LPGAT1: variants seen among roughly 807,000 people sequenced by gnomAD.
LPGAT1 encodes lysophosphatidylglycerol acyltransferase 1.
In LPGAT1, 11 loss-of-function variants were observed where a neutral mutation model predicts 47.5. The ratio of observed to expected loss-of-function variants is 0.23; its 90% CI spans 0.15 to 0.38. LPGAT1 has a LOEUF of 0.38. Ranked by LOEUF, LPGAT1 falls within the 10% of genes least tolerant of loss-of-function variation. LPGAT1 has a pLI of 1.00. For missense variants in LPGAT1, 293 were observed against 439.0 expected (o/e 0.67, Z 2.97); for synonymous variants, 138 against 144.2 (o/e 0.96, Z 0.31).
intron 2 of LPGAT1, among the ~76,000 whole-genome samples, chr1:211,796,313 C>T (rs1317863972): frequency 1.3e-5 from 2 of 151,982 alleles, no homozygotes; most frequent in Non-Finnish European, 2.9e-5. Flanking sequence ...TTAGGGTGGG[C>T]CCTAAACCTA....
intron 6 of LPGAT1, among the ~76,000 whole-genome samples, chr1:211,760,657 T>TA (rs1657659143): frequency 6.6e-6 from 1 of 152,176 alleles, no homozygotes; most frequent in South Asian, 2.1e-4. Context: ...GGTGCATACT[T>TA]AAAAGCAAAC....
At chr1:211,769,120 C>T (rs1658057534) in intron 6 of LPGAT1, among the ~76,000 whole-genome samples, 1 of 152,104 alleles carries the variant, frequency 6.6e-6, no homozygotes, top group African/African-American at 2.4e-5. Flanking sequence ...ACTCTGGATA[C>T]TATGTTGGAA....
chr1:211,749,507 C>A lies in LPGAT1; in HGVS notation c.*392G>T. The A allele has an allele frequency of 4.9e-6, 1 of 202,998 alleles. No individual in the cohort carries two copies. The highest frequency in any genetic ancestry group is 9.8e-6 in the Non-Finnish European group (1 of 102,560). The allele number at this position is 202,998 out of a possible 1,614,324, so 12.6% of individuals were successfully genotyped here. Reference sequence around the variant, plus strand: ...GAAATGTGGGCGTTCTAGAGAACTGCCCTAATATAGACTACAGCTAAGAGG... The same window carrying A: ...GAAATGTGGGCGTTCTAGAGAACTGACCTAATATAGACTACAGCTAAGAGG... On this transcript the variant is annotated 3_prime_UTR_variant, in exon 8 of 8. Coordinates refer to ENST00000366997, the MANE Select transcript of LPGAT1 (RefSeq NM_014873.3).
chr1:211,777,220 CCT>C (rs1407351746), intron 6 of LPGAT1, among the ~76,000 whole-genome samples: 1 of 152,102 alleles, frequency 6.6e-6, no homozygotes, highest in Non-Finnish European at 1.5e-5. Context: ...GCCCAAATCC[CCT>C]CTCACAAGTT....
At chr1:211,777,544 A>T (rs1044736791) in intron 6 of LPGAT1, among the ~76,000 whole-genome samples, 6 of 152,152 alleles carry the variant, frequency 3.9e-5, no homozygotes, top group South Asian at 2.1e-4. Context: ...TAAACTCCTT[A>T]AAAAAACTAC....
At chr1:211,752,105 T>C (rs920704529) in intron 6 of LPGAT1, among the ~76,000 whole-genome samples, 5 of 152,242 alleles carry the variant, frequency 3.3e-5, no homozygotes, top group Non-Finnish European at 7.3e-5. Context: ...AATATATTCA[T>C]TGCTAAGCCA....
chr1:211,746,266 G>A lies in LPGAT1; in HGVS notation c.*3633C>T, dbSNP rs1656938215. ...AGCAACACTAGAATAATGTTCCCAG[G>A]TTTACATTTGGTGATTTCAGATTTC... On this transcript the variant is annotated 3_prime_UTR_variant, in exon 8 of 8. Transcript: ENST00000366997. 2.0e-5 allele frequency: 3 copies of A among 152,582 alleles called. No homozygotes were observed. Among genetic ancestry groups the A allele is most frequent in the African/African-American group, 7.2e-5 (3 of 41,430 alleles). 9.5% of individuals were successfully genotyped at this position (152,582 alleles called of 1,614,324 possible).
At chr1:211,820,620 C>T (rs916780232) in intron 2 of LPGAT1, among the ~76,000 whole-genome samples, 3 of 150,020 alleles carry the variant, frequency 2.0e-5, no homozygotes, top group African/African-American at 7.3e-5. Context: ...AGAGACGTTG[C>T]AGAAAACACA....
chr1:211,780,923 G>GA, intron 5 of LPGAT1, among the ~76,000 whole-genome samples: 1 of 151,822 alleles, frequency 6.6e-6, no homozygotes, highest in Non-Finnish European at 1.5e-5. Context: ...TAAATGATGA[G>GA]AAAAAACACC....
In LPGAT1 at chr1:211,778,997, A is replaced by T; in HGVS notation, c.775T>A (p.Tyr259Asn). 6.2e-7 allele frequency: 1 copy of T among 1,609,790 alleles called. No homozygotes were observed. Among genetic ancestry groups the T allele is most frequent in the Non-Finnish European group, 8.5e-7 (1 of 1,178,736 alleles). Residue 259 changes from tyrosine to asparagine, a missense_variant, in exon 6 of 8, where the codon TAT becomes AAT. Transcript: ENST00000366997. The stretch of plus-strand genomic sequence containing the variant: ...ATATCTATAGGTTCAGCTTTGGGAT[A>T]AGCTATCGTTGTATCTATTATCCAC... ...LQWIIDTTIAYPKAEPIDIQT... is the reference protein window; with the variant it reads ...LQWIIDTTIANPKAEPIDIQT...
At chr1:211,766,134 T>A (rs11119809) in intron 6 of LPGAT1, among the ~76,000 whole-genome samples, 1 of 152,090 alleles carries the variant, frequency 6.6e-6, no homozygotes, top group Non-Finnish European at 1.5e-5. Flanking sequence ...CAAGGCCTTT[T>A]GACTTGGACC....
chr1:211,796,030 G>A (rs552612021), intron 2 of LPGAT1, among the ~76,000 whole-genome samples: 2 of 151,912 alleles, frequency 1.3e-5, no homozygotes, highest in South Asian at 2.1e-4. Flanking sequence ...GTCCTTTAAC[G>A]CAATCTGTGC....
At chr1:211,809,025 G>C (rs919692932) in intron 2 of LPGAT1, among the ~76,000 whole-genome samples, 10 of 150,482 alleles carry the variant, frequency 6.6e-5, no homozygotes, top group African/African-American at 2.5e-4. Flanking sequence ...GTGAAACCCC[G>C]TCTCAACTAA....
At chr1:211,770,951 C>T (rs1658141182) in intron 6 of LPGAT1, among the ~76,000 whole-genome samples, 1 of 151,914 alleles carries the variant, frequency 6.6e-6, no homozygotes, top group Non-Finnish European at 1.5e-5. Flanking sequence ...ACAAAAATTA[C>T]CTGAGCATGG....
intron 2 of LPGAT1, among the ~76,000 whole-genome samples, chr1:211,821,252 T>C (rs1452582373): frequency 1.3e-5 from 2 of 152,038 alleles, no homozygotes; most frequent in Non-Finnish European, 2.9e-5. Flanking sequence ...TGAGACTCCA[T>C]CTCAAAAAAA....
At chr1:211,753,989 G>T (rs1483930233) in intron 6 of LPGAT1, among the ~76,000 whole-genome samples, 3 of 152,194 alleles carry the variant, frequency 2.0e-5, no homozygotes, top group Non-Finnish European at 4.4e-5. Flanking sequence ...TGCTTAGAGA[G>T]TGAAGGCCCG....
At position 211,830,035 on chromosome 1, in the gene LPGAT1, G is replaced by C. The variant is rs371833380; in HGVS notation, c.-28+538C>G. On this transcript the variant is annotated intron_variant, in intron 1 of 7. Transcript: ENST00000366997. The surrounding 1 kb of genome is among the most constrained non-coding windows in gnomAD (Gnocchi z 5.9). ...AAGGAACTGGGGATGAAGAGAATGA[G>C]ATTTCCGACCAGAGGGCAAGGAAGC... The C allele has an allele frequency of 1.0e-6, 1 of 985,708 alleles. No homozygotes were observed. Among genetic ancestry groups the C allele is most frequent in the East Asian group, 1.1e-4 (1 of 8,818 alleles). The allele number at this position is 985,708 out of a possible 1,614,324, so 61.1% of individuals were successfully genotyped here.
intron 2 of LPGAT1, among the ~76,000 whole-genome samples, chr1:211,828,324 A>AT (rs1278834115): frequency 1.3e-5 from 2 of 152,254 alleles, no homozygotes; most frequent in African/African-American, 4.8e-5. Context: ...CAGCAAGGGC[A>AT]TAAGTTCTCA....
At position 211,749,013 on chromosome 1, in the gene LPGAT1, C is replaced by T. The variant is rs61828259; in HGVS notation, c.*886G>A. The T allele has an allele frequency of 0.28, 42,784 of 152,488 alleles. 7,736 individuals carry two copies. The highest frequency in any genetic ancestry group is 0.41 in the Non-Finnish European group (27,689 of 67,996). The allele number at this position is 152,488 out of a possible 1,614,324, so 9.4% of individuals were successfully genotyped here. A position where few individuals can be genotyped will look rare whatever the true frequency, so the allele number is the denominator to read the frequency against. On this transcript the variant is annotated 3_prime_UTR_variant, in exon 8 of 8. Transcript: ENST00000366997. ...CCTCTGAGCTGCAATAGAGGCATCA[C>T]GTCAGGGTGGTGTCCAGGGCAGGAT...
Sources: gnomAD v4.1 joint callset for allele counts (sites outside exome capture counted in the v4.1 genomes callset) on GRCh38, gnomAD v4.1.1 for gene constraint, Gnocchi (gnomAD v3.1) non-coding constraint, MANE v1.5 for transcripts, NCBI Gene and HGNC (gene_info 2026-07-23, HGNC 2026-07-21) for gene names.